Variants in CHN2 observed in about 807,000 individuals in gnomAD.
CHN2 encodes beta-chimaerin.
CHN2 carries 35 observed loss-of-function variants against 56.3 expected under a neutral mutation model. The ratio of observed to expected loss-of-function variants is 0.62; its 90% CI spans 0.47 to 0.82. The LOEUF (loss-of-function observed/expected upper bound fraction) is 0.82. Among genes scored for constraint, CHN2 ranks in the 40% least tolerant of loss-of-function variants. The pLI, the probability that CHN2 is intolerant of heterozygous loss-of-function variation, is 0.00. For synonymous variants in CHN2, 210 were observed against 212.8 expected (o/e 0.99, Z 0.12); for missense variants, 491 against 580.5 (o/e 0.85, Z 1.58).
intron 3 of CHN2, among the ~76,000 whole-genome samples, chr7:29,385,363 C>T (rs1800834913): frequency 6.6e-6 from 1 of 152,134 alleles, no homozygotes; most frequent in African/African-American, 2.4e-5. Flanking sequence ...TTGACCTTGG[C>T]ACTATTGACC....
intron 1 of CHN2, among the ~76,000 whole-genome samples, chr7:29,268,962 G>A (rs1396303212): frequency 6.6e-6 from 1 of 152,170 alleles, no homozygotes; most frequent in African/African-American, 2.4e-5. Context: ...ATTTTGTGGG[G>A]AACATGTGAT....
chr7:29,330,871 G>A (rs1796163804), intron 1 of CHN2, among the ~76,000 whole-genome samples: 1 of 152,190 alleles, frequency 6.6e-6, no homozygotes, highest in Non-Finnish European at 1.5e-5. Context: ...AGCATGGGAA[G>A]TTTATTACAG....
chr7:29,190,185 A>G (rs1473586203), upstream of CHN2, among the ~76,000 whole-genome samples: 1 of 152,232 alleles, frequency 6.6e-6, no homozygotes, highest in African/African-American at 2.4e-5. Context: ...TACAGAGCGA[A>G]ATATTTCTCA....
At chr7:29,196,965 C>T (rs1052151250) in intron 1 of CHN2, among the ~76,000 whole-genome samples, 10 of 152,184 alleles carry the variant, frequency 6.6e-5, no homozygotes, top group African/African-American at 2.2e-4. Flanking sequence ...ATCAGCCTAG[C>T]CCATGAGTTT....
intron 1 of CHN2, among the ~76,000 whole-genome samples, chr7:29,308,736 C>G (rs1235325479): frequency 6.6e-6 from 1 of 152,188 alleles, no homozygotes; most frequent in Non-Finnish European, 1.5e-5. Context: ...GAGGAAAATT[C>G]AGTAGTTGGG....
At chr7:29,151,015 A>G (rs878936228) in intron 2 of CHN2, among the ~76,000 whole-genome samples, 6 of 152,330 alleles carry the variant, frequency 3.9e-5, no homozygotes, top group African/African-American at 4.8e-5. Context: ...CACCTCAGCT[A>G]TAAGCATTGA....
chr7:29,246,378 A>G (rs1280058235), intron 1 of CHN2, among the ~76,000 whole-genome samples: 1 of 152,170 alleles, frequency 6.6e-6, no homozygotes, highest in Non-Finnish European at 1.5e-5. Context: ...GGTAGTTGCT[A>G]AACCAGAATA....
At chr7:29,484,273 C>G (rs1787705762) in intron 7 of CHN2, among the ~76,000 whole-genome samples, 1 of 152,226 alleles carries the variant, frequency 6.6e-6, no homozygotes, top group African/African-American at 2.4e-5. Flanking sequence ...ATTTAGATTT[C>G]ACACATTTTT....
At chr7:29,510,951 GTCTC>G (rs71800296) in intron 12 of CHN2, among the ~76,000 whole-genome samples, 137,890 of 152,034 alleles carry the variant, frequency 0.91, 62,732 homozygotes, top group Non-Finnish European at 0.96. Flanking sequence ...TAAACCTTGT[GTCTC>G]TCTCTTTCAC....
At chr7:29,163,277 A>G (rs1170378844) in intron 2 of CHN2, among the ~76,000 whole-genome samples, 1 of 152,202 alleles carries the variant, frequency 6.6e-6, no homozygotes, top group Non-Finnish European at 1.5e-5. Context: ...TTGAAGACTT[A>G]GTATGAAAAA....
At chr7:29,321,287 G>C (rs1297473783) in intron 1 of CHN2, among the ~76,000 whole-genome samples, 1 of 152,150 alleles carries the variant, frequency 6.6e-6, no homozygotes, top group Non-Finnish European at 1.5e-5. Context: ...AGAGCTTGCT[G>C]TGCTCAGCAG....
chr7:29,369,100 TGA>T (rs1261584670), intron 3 of CHN2, among the ~76,000 whole-genome samples: 1 of 152,164 alleles, frequency 6.6e-6, no homozygotes, highest in Non-Finnish European at 1.5e-5. Flanking sequence ...TTTTTTCAAA[TGA>T]GAGAAAATAG....
intron 3 of CHN2, among the ~76,000 whole-genome samples, chr7:29,381,890 CT>C (rs2128059028): frequency 6.7e-6 from 1 of 148,704 alleles, no homozygotes; most frequent in African/African-American, 2.5e-5. Context: ...AGGAAATTCC[CT>C]GGATGGAAAG....
chr7:29,335,463 A>G (rs1489066557), intron 1 of CHN2, among the ~76,000 whole-genome samples: 1 of 152,254 alleles, frequency 6.6e-6, no homozygotes, highest in African/African-American at 2.4e-5. Flanking sequence ...GTGCTTCTTC[A>G]GCAGACACAA....
intron 6 of CHN2, among the ~76,000 whole-genome samples, chr7:29,449,975 A>G (rs989438893): frequency 6.6e-6 from 1 of 152,192 alleles, no homozygotes; most frequent in Non-Finnish European, 1.5e-5. Flanking sequence ...ATTTGTGGTT[A>G]GTCAGTATTT....
intron 3 of CHN2, among the ~76,000 whole-genome samples, chr7:29,388,377 C>A (rs958924635): frequency 6.6e-6 from 1 of 152,196 alleles, no homozygotes; most frequent in African/African-American, 2.4e-5. Context: ...AAGGGATGGG[C>A]CTAACCCTTC....
chr7:29,370,505 T>G (rs1799521438), intron 3 of CHN2, among the ~76,000 whole-genome samples: 1 of 152,208 alleles, frequency 6.6e-6, no homozygotes, highest in Admixed American at 6.5e-5. Context: ...CGCATCTTCC[T>G]CTTCTACGCA....
chr7:29,433,837 T>TAA (rs1418330256), intron 6 of CHN2, among the ~76,000 whole-genome samples: 3 of 119,560 alleles, frequency 2.5e-5, no homozygotes, highest in African/African-American at 1.1e-4. Context: ...AGACTCCATC[T>TAA]AAACAAAAAA....
intron 1 of CHN2, among the ~76,000 whole-genome samples, chr7:29,348,283 T>C (rs1480966647): frequency 3.3e-5 from 5 of 152,308 alleles, no homozygotes; most frequent in East Asian, 1.9e-4. Flanking sequence ...CATCATCTTT[T>C]TGGGGTTTAG....
Sources: allele counts gnomAD v4.1 joint callset (sites outside exome capture counted in the v4.1 genomes callset), GRCh38; gene constraint gnomAD v4.1.1; transcripts MANE v1.5; gene names NCBI Gene and HGNC (gene_info 2026-07-23, HGNC 2026-07-21).